Variants in CTPS2 observed in about 807,000 individuals in gnomAD.
CTPS2 encodes CTP synthase II.
Under a neutral mutation model 46.8 loss-of-function variants are expected in CTPS2, and 19 were observed. That is an observed-to-expected ratio of 0.41 (90% CI 0.28 to 0.60). The LOEUF is 0.60. Among genes scored for constraint, CTPS2 ranks in the 20% least tolerant of loss-of-function variants. The pLI, the probability that CTPS2 is intolerant of heterozygous loss-of-function variation, is 0.35. For synonymous variants in CTPS2, 151 were observed against 165.2 expected (o/e 0.91, Z 0.66); for missense variants, 286 against 447.6 (o/e 0.64, Z 3.26).
At chrX:16,608,266 A>AT (rs1229938441) in intron 17 of CTPS2, among the ~76,000 whole-genome samples, 5 of 110,998 alleles carry the variant, frequency 4.5e-5, no homozygotes, top group African/African-American at 1.6e-4. Context: ...TCCCTAAGGA[A>AT]TTTTTTATTC....
intron 13 of CTPS2, among the ~76,000 whole-genome samples, chrX:16,661,993 C>CATATATAT (rs5901592): frequency 9.4e-5 from 8 of 85,348 alleles, no homozygotes; most frequent in African/African-American, 3.3e-4. Flanking sequence ...ATTGTTCATT[C>CATATATAT]ATATATATAT....
intron 14 of CTPS2, among the ~76,000 whole-genome samples, chrX:16,624,531 T>C (rs1168286141): frequency 8.9e-6 from 1 of 112,227 alleles, no homozygotes; most frequent in Non-Finnish European, 1.9e-5. Context: ...CATGCATTTC[T>C]GGTTAGAATC....
chrX:16,635,686 G>T (rs781430461), intron 14 of CTPS2, among the ~76,000 whole-genome samples: 21 of 111,541 alleles, frequency 1.9e-4, no homozygotes, highest in South Asian at 7.4e-4. Flanking sequence ...AAAAACAAAA[G>T]AAAACAAAAA....
chrX:16,706,366 T>C (rs1925008311), intron 1 of CTPS2, among the ~76,000 whole-genome samples: 1 of 111,018 alleles, frequency 9.0e-6, no homozygotes, highest in South Asian at 3.8e-4. Context: ...GAGGTTGCAG[T>C]GAGCCCAGAT....
chrX:16,613,119 G>C (rs1930343032), intron 16 of CTPS2, among the ~76,000 whole-genome samples: 3 of 112,171 alleles, frequency 2.7e-5, no homozygotes, highest in Non-Finnish European at 3.8e-5. Context: ...TTGAAATGGA[G>C]AATAGTGATA....
At position 16,658,548 on chromosome X, in the gene CTPS2, A is replaced by G. The variant is rs770639911; in HGVS notation, c.1296+8966T>C. Among the ~76,000 whole-genome samples the G allele has an allele frequency of 5.4e-5, 6 of 112,106 alleles. No homozygotes were observed. In the South Asian group the frequency reaches 2.2e-3, roughly 42 times the overall value. ...TCAACATTTCTGATTTCCTTAGGAGAATTTCTGAGAAGTAAATGTCTGAGT... is the reference window on the plus strand; with the variant it reads ...TCAACATTTCTGATTTCCTTAGGAGGATTTCTGAGAAGTAAATGTCTGAGT... On this transcript the variant is annotated intron_variant, in intron 13 of 18. Coordinates refer to ENST00000359276, the MANE Select transcript of CTPS2 (RefSeq NM_175859.3).
intron 17 of CTPS2, among the ~76,000 whole-genome samples, chrX:16,593,291 T>C (rs1929023029): frequency 9.2e-6 from 1 of 109,225 alleles, no homozygotes; most frequent in South Asian, 4.0e-4. Context: ...TAGCCGGGTG[T>C]GGTGGCGGGC....
At chrX:16,709,822 C>T (rs1284817420) in intron 1 of CTPS2, among the ~76,000 whole-genome samples, 1 of 79,150 alleles carries the variant, frequency 1.3e-5, no homozygotes, top group African/African-American at 5.1e-5. Flanking sequence ...GCACTCTACC[C>T]TGGTGACAGA....
intron 14 of CTPS2, among the ~76,000 whole-genome samples, chrX:16,632,393 G>C (rs1931521840): frequency 9.0e-6 from 1 of 111,214 alleles, no homozygotes; most frequent in South Asian, 3.8e-4. Flanking sequence ...TCTAACAATT[G>C]GGTGTTTCAA....
At chrX:16,608,719 A>C (rs909090876) in intron 17 of CTPS2, among the ~76,000 whole-genome samples, 2 of 111,903 alleles carry the variant, frequency 1.8e-5, no homozygotes, top group Non-Finnish European at 3.8e-5. Context: ...AATGAAAAGG[A>C]TGGCAAAGGT....
intron 3 of CTPS2, 127 bp from the exon 4 acceptor site, chrX:16,698,463 G>GA (rs1283850412): frequency 5.0e-5 from 23 of 462,453 alleles, no homozygotes; most frequent in Non-Finnish European, 7.9e-5. Flanking sequence ...AAAATGAAAA[G>GA]AAAAAAACGC....
chrX:16,640,984 T>C (rs1932051934), intron 13 of CTPS2, among the ~76,000 whole-genome samples: 1 of 111,885 alleles, frequency 8.9e-6, no homozygotes, highest in South Asian at 3.7e-4. Context: ...TGACCTCCCT[T>C]GTTAGATGGA....
chrX:16,613,802 G>T (rs1446821265), intron 16 of CTPS2, among the ~76,000 whole-genome samples: 1 of 111,193 alleles, frequency 9.0e-6, no homozygotes, highest in African/African-American at 3.3e-5. Context: ...TGTTGCCCAC[G>T]CTGGTCTCGA....
At chrX:16,705,735 G>A (rs940147684) in intron 1 of CTPS2, among the ~76,000 whole-genome samples, 11 of 111,200 alleles carry the variant, frequency 9.9e-5, no homozygotes, top group Non-Finnish European at 2.1e-4. Context: ...GCAACATAGC[G>A]AGACCCTGTC....
At chrX:16,706,807 G>C (rs1356838776) in intron 1 of CTPS2, among the ~76,000 whole-genome samples, 1 of 110,288 alleles carries the variant, frequency 9.1e-6, no homozygotes, top group Non-Finnish European at 1.9e-5. Context: ...GTTGCAGTGA[G>C]CTGAGATCGC....
At position 16,620,449 on chromosome X, in the gene CTPS2, GAACT is replaced by G. The variant is rs1201789677; in HGVS notation, c.1394-121_1394-118del. ...ATCTATCTATCAGAGGACTAAAAAT[GAACT>G]AATAGACTCCATATAGTCATCTAGA... On this transcript the variant is annotated intron_variant, in intron 14 of 18. Transcript: ENST00000359276. The G allele has an allele frequency of 6.0e-5, 30 of 498,853 alleles. 1 individual carries two copies. The Admixed American group carries it at 8.5e-4, about 14-fold the overall frequency. 41.1% of individuals were successfully genotyped at this position (498,853 alleles called of 1,213,427 possible).
At chrX:16,681,108 C>A (rs1922710411) in intron 9 of CTPS2, among the ~76,000 whole-genome samples, 1 of 111,743 alleles carries the variant, frequency 8.9e-6, no homozygotes, top group Non-Finnish European at 1.9e-5. Context: ...ATCACTTGAA[C>A]CCAGAAGGCA....
rs774684350 is a variant in CTPS2, at chrX:16,588,438, C to T, written c.*1379G>A. On this transcript the variant is annotated 3_prime_UTR_variant, in exon 19 of 19. Transcript: ENST00000359276. Reference sequence around the variant, plus strand: ...AAGAACAATACAGAAAGGCCATTTTCTTTGTATGACTAAAGCCTCGAGGTT... The same window carrying T: ...AAGAACAATACAGAAAGGCCATTTTTTTTGTATGACTAAAGCCTCGAGGTT... 2.7e-5 allele frequency: 3 copies of T among 111,657 alleles called. No homozygotes were observed. The highest frequency in any genetic ancestry group is 5.6e-5 in the Non-Finnish European group (3 of 53,167). The allele number at this position is 111,657 out of a possible 1,213,427, so 9.2% of individuals were successfully genotyped here. A position where few individuals can be genotyped will look rare whatever the true frequency, so the allele number is the denominator to read the frequency against.
chrX:16,620,516 T>C (rs73448271), intron 14 of CTPS2, among the ~76,000 whole-genome samples, 184 bp from the exon 15 acceptor site: 2,850 of 111,873 alleles, frequency 0.025, 98 homozygotes, highest in African/African-American at 0.087. Context: ...GATAGCTTCT[T>C]TGAAAACCTG....
Sources: allele counts gnomAD v4.1 joint callset (sites outside exome capture counted in the v4.1 genomes callset), GRCh38; gene constraint gnomAD v4.1.1; transcripts MANE v1.5; gene names NCBI Gene and HGNC (gene_info 2026-07-23, HGNC 2026-07-21).